CEACAM19: variants seen among roughly 807,000 people sequenced by gnomAD.
CEACAM19 encodes cell adhesion molecule CEACAM19.
Under a neutral mutation model 37.6 loss-of-function variants are expected in CEACAM19, and 37 were observed. That is an observed-to-expected ratio of 0.98 (90% CI 0.76 to 1.29). The LOEUF (loss-of-function observed/expected upper bound fraction) is 1.29, where lower values mean the gene tolerates loss of function less well. Ranked by LOEUF, CEACAM19 falls within the 50% of genes most tolerant of loss-of-function variation. The pLI, the probability that CEACAM19 is intolerant of heterozygous loss-of-function variation, is 0.00. For synonymous variants in CEACAM19, 140 were observed against 149.8 expected, an observed-to-expected ratio of 0.93 and a Z score of 0.48; for missense variants, 340 against 375.6, an observed-to-expected ratio of 0.91 and a Z score of 0.78.
chr19:44,667,131 C>G (rs890465287), upstream of CEACAM19: 3 of 151,984 alleles, frequency 2.0e-5, no homozygotes, highest in African/African-American at 7.3e-5. Context: ...AGTTCAACGT[C>G]AAGATTCCTG....
chr19:44,678,622 G>A (rs891147109), intron 3 of CEACAM19: 1 of 419,554 alleles, frequency 2.4e-6, no homozygotes, highest in African/African-American at 2.1e-5. Context: ...TGTTGGCCAG[G>A]ATGGTCTCAA....
Position 44,671,591 on chromosome 19 carries a change from C to A in CEACAM19, c.-341C>A. On this transcript the variant is annotated 5_prime_UTR_variant, in exon 1 of 8. The change creates a premature stop within an existing upstream ORF in the 5' untranslated region. Coordinates refer to ENST00000358777, the MANE Select transcript of CEACAM19 (RefSeq NM_001127893.3). ...TTTGAACAAACCCAGGGGAATTGTTCAAACAGAGGCTGTTATGACTATTGC... is the reference window on the plus strand; with the variant it reads ...TTTGAACAAACCCAGGGGAATTGTTAAAACAGAGGCTGTTATGACTATTGC... 4.8e-6 allele frequency: 2 copies of A among 417,684 alleles called. No homozygotes were observed. Among genetic ancestry groups the A allele is most frequent in the South Asian group, 2.1e-4 (2 of 9,756 alleles). 25.9% of individuals were successfully genotyped at this position (417,684 alleles called of 1,614,324 possible).
chr19:44,672,357 C>A, intron 1 of CEACAM19: 1 of 463,778 alleles, frequency 2.2e-6, no homozygotes. Context: ...TAGAAGCAGG[C>A]CACACAGCAT....
chr19:44,682,642 G>A, intron 7 of CEACAM19, 22 bp downstream of exon 7: 1 of 1,586,930 alleles, frequency 6.3e-7, no homozygotes, highest in Non-Finnish European at 8.6e-7. Context: ...GGAGCTGGGA[G>A]GGGTGGTGGG....
rs1974115422 is a variant in CEACAM19 at position 44,684,137 on chromosome 19, C to T, written c.*647C>T. 1.3e-5 allele frequency: 2 copies of T among 152,322 alleles called. No homozygotes were observed. Among genetic ancestry groups the T allele is most frequent in the Admixed American group, 1.3e-4 (2 of 15,276 alleles). The allele number at this position is 152,322 out of a possible 1,614,324, so 9.4% of individuals were successfully genotyped here. ...TACTGAGTCCCTCTGGGCAGCAGCT[C>T]CCTTCTCCACCCCACCCCAGCACCC... On this transcript the variant is annotated 3_prime_UTR_variant, in exon 8 of 8. Transcript: ENST00000358777.
At chr19:44,672,391 T>TGG (rs1973870570) in intron 1 of CEACAM19, 2 of 513,626 alleles carry the variant, frequency 3.9e-6, no homozygotes, top group Admixed American at 7.4e-5. Context: ...AACCTCTGGA[T>TGG]CAACAGGATG....
Position 44,671,669 on chromosome 19 carries a change from G to C in CEACAM19, c.-263G>C. Reference sequence around the variant, plus strand: ...GAGTGAGAAAAAGAGGTTGAAGAGGGTCAGGGGAGGAGTCCTGGGAAGTTC... The same window carrying C: ...GAGTGAGAAAAAGAGGTTGAAGAGGCTCAGGGGAGGAGTCCTGGGAAGTTC... On this transcript the variant is annotated 5_prime_UTR_variant, in exon 1 of 8. Coordinates refer to ENST00000358777, the MANE Select transcript of CEACAM19 (RefSeq NM_001127893.3). 1 of 481,878 alleles carries C rather than the reference G, an allele frequency of 2.1e-6. No individual in the cohort carries two copies. The highest frequency in any genetic ancestry group is 3.0e-5 in the East Asian group (1 of 33,632). 29.9% of individuals were successfully genotyped at this position (481,878 alleles called of 1,614,324 possible). A position where few individuals can be genotyped will look rare whatever the true frequency, so the allele number is the denominator to read the frequency against.
chr19:44,682,881 C>T (rs1225628706), intron 7 of CEACAM19: 1 of 432,398 alleles, frequency 2.3e-6, no homozygotes, highest in Non-Finnish European at 4.2e-6. Flanking sequence ...GAACAAGGCC[C>T]AGAGAGGGAC....
At chr19:44,679,216 C>T (rs1049155864) in intron 4 of CEACAM19, among the ~76,000 whole-genome samples, 64 of 152,144 alleles carry the variant, frequency 4.2e-4, no homozygotes, top group African/African-American at 1.4e-3. Flanking sequence ...AGGTCTCAAA[C>T]TCCTGGCCTC....
At chr19:44,672,267 T>G (rs1367812889) in intron 1 of CEACAM19, among the ~76,000 whole-genome samples, 1 of 152,164 alleles carries the variant, frequency 6.6e-6, no homozygotes, top group Non-Finnish European at 1.5e-5. Flanking sequence ...TAGTTGGTAT[T>G]ATAGCTTATA....
chr19:44,667,669 AATAT>A (rs1212612295), upstream of CEACAM19, among the ~76,000 whole-genome samples: 3 of 81,706 alleles, frequency 3.7e-5, no homozygotes, highest in Non-Finnish European at 6.7e-5. Flanking sequence ...TATAAATATA[AATAT>A]ATATTATATA....
chr19:44,683,050 C>A (rs1436800920), intron 7 of CEACAM19: 4 of 232,086 alleles, frequency 1.7e-5, no homozygotes, highest in Non-Finnish European at 3.1e-5. Flanking sequence ...CTTCCCCTTT[C>A]TTGGACTCTC....
Position 44,676,259 on chromosome 19 carries a change from C to T in CEACAM19, c.425-12C>T. 6.2e-7 allele frequency: 1 copy of T among 1,613,236 alleles called. No homozygotes were observed. The highest frequency in any genetic ancestry group is 1.3e-5 in the African/African-American group (1 of 75,026). On this transcript the variant is annotated splice_polypyrimidine_tract_variant and intron_variant, in intron 2 of 7. Transcript: ENST00000358777. ...CAGTCCCCCCTCTCTCTTTCTTTCT[C>T]TCACCCCTCAGAAAAGAATAAGGAG...
At chr19:44,665,982 A>G (rs1016163291) in intron 1 of CEACAM19, 1 of 152,348 alleles carries the variant, frequency 6.6e-6, no homozygotes, top group Non-Finnish European at 1.5e-5. Context: ...ACCAAACAGG[A>G]CCTGCCCTCT....
At chr19:44,674,464 A>C (rs1233528615) in intron 2 of CEACAM19, among the ~76,000 whole-genome samples, 1 of 150,584 alleles carries the variant, frequency 6.6e-6, no homozygotes, top group African/African-American at 2.5e-5. Flanking sequence ...CACCATGCCC[A>C]GTCTCAGCTC....
chr19:44,681,685 T>C (rs1004421618), intron 6 of CEACAM19, among the ~76,000 whole-genome samples: 1 of 152,290 alleles, frequency 6.6e-6, no homozygotes, highest in African/African-American at 2.4e-5. Context: ...ATTCTAGCAC[T>C]TTGGGAAGCC....
At chr19:44,669,395 A>G (rs992318105), upstream of CEACAM19, among the ~76,000 whole-genome samples, 1 of 152,068 alleles carries the variant, frequency 6.6e-6, no homozygotes, top group Non-Finnish European at 1.5e-5. Flanking sequence ...GAGGGGTAGG[A>G]TTACAAGTGT....
At chr19:44,671,400 G>C (rs768977309), upstream of CEACAM19, 2 of 352,816 alleles carry the variant, frequency 5.7e-6, no homozygotes, top group African/African-American at 4.2e-5. Context: ...GATTACAGGC[G>C]TGAGCCACCG....
intron 2 of CEACAM19, among the ~76,000 whole-genome samples, chr19:44,673,313 C>G (rs1973890981): frequency 1.3e-5 from 2 of 152,178 alleles, no homozygotes. Context: ...CGAGTATTTA[C>G]TGATGAATCC....
Sources: gnomAD v4.1 joint callset for allele counts (sites outside exome capture counted in the v4.1 genomes callset) on GRCh38, gnomAD v4.1.1 for gene constraint, MANE v1.5 for transcripts, NCBI Gene and HGNC (gene_info 2026-07-23, HGNC 2026-07-21) for gene names.